The following SH3KBP1 variants were observed in gnomAD, a reference collection of about 807,000 sequenced individuals.
SH3KBP1 encodes SH3 domain containing kinase binding protein 1.
Under a neutral mutation model 50.1 loss-of-function variants are expected in SH3KBP1, and 8 were observed. The observed-to-expected ratio is 0.16, with a 90% CI of 0.09 to 0.29. The LOEUF is 0.29. Ranked by LOEUF, SH3KBP1 falls within the 10% of genes least tolerant of loss-of-function variation. The pLI is 1.00. For missense variants in SH3KBP1, 377 were observed against 535.2 expected (o/e 0.70, Z 2.92); for synonymous variants, 227 against 218.6 (o/e 1.04, Z -0.34).
At chrX:19,752,326 C>T (rs1030273389) in intron 2 of SH3KBP1, among the ~76,000 whole-genome samples, 2 of 112,006 alleles carry the variant, frequency 1.8e-5, no homozygotes, top group Admixed American at 1.9e-4. Flanking sequence ...ACACACCATC[C>T]GAGAGGTGTC....
intron 3 of SH3KBP1, among the ~76,000 whole-genome samples, chrX:19,715,662 AG>A (rs2063891458): frequency 8.9e-6 from 1 of 112,160 alleles, no homozygotes; most frequent in South Asian, 3.7e-4. Flanking sequence ...GGACTCTTCC[AG>A]GATCAGGTTA....
chrX:19,667,652 T>C (rs1477905895), intron 6 of SH3KBP1, among the ~76,000 whole-genome samples: 1 of 110,456 alleles, frequency 9.1e-6, no homozygotes, highest in Non-Finnish European at 1.9e-5. Flanking sequence ...AAGCATAAAA[T>C]GGCAAAGGCA....
At chrX:19,840,766 T>G (rs1198437701) in intron 1 of SH3KBP1, among the ~76,000 whole-genome samples, 1 of 112,147 alleles carries the variant, frequency 8.9e-6, no homozygotes, top group Non-Finnish European at 1.9e-5. Context: ...TTAAGCTAAA[T>G]AAAATACATC....
At chrX:19,742,121 G>T (rs2064786788) in intron 3 of SH3KBP1, among the ~76,000 whole-genome samples, 2 of 111,162 alleles carry the variant, frequency 1.8e-5, no homozygotes, top group African/African-American at 6.5e-5. Flanking sequence ...TTTGTTTTGA[G>T]ATAGGGTCTC....
At chrX:19,880,697 C>T (rs1292368956) in intron 1 of SH3KBP1, among the ~76,000 whole-genome samples, 1 of 111,746 alleles carries the variant, frequency 8.9e-6, no homozygotes, top group Admixed American at 9.5e-5. Context: ...TCCATGGCAA[C>T]AGGAACTTTG....
At chrX:19,874,068 A>AAAAAAAAAAAAAATATAT (rs1491537486) in intron 1 of SH3KBP1, among the ~76,000 whole-genome samples, 1 of 57,035 alleles carries the variant, frequency 1.8e-5, no homozygotes, top group Admixed American at 2.1e-4. Flanking sequence ...AAAAAAAAAA[A>AAAAAAAAAAAAAATATAT]ATATATATAT....
chrX:19,693,868 A>C (rs1373992964), intron 5 of SH3KBP1, among the ~76,000 whole-genome samples: 1 of 112,199 alleles, frequency 8.9e-6, no homozygotes, highest in Non-Finnish European at 1.9e-5. Flanking sequence ...ATGGCAGGAC[A>C]CCAATATGTC....
Position 19,643,318 on chromosome X carries a change from T to A in SH3KBP1, c.802+2082A>T, listed in dbSNP as rs775640777. On this transcript the variant is annotated intron_variant, in intron 7 of 17. Transcript: ENST00000397821. ...CTGAAGAATTTTTTATTTTTTTTTTTTTTATTTTTTTTTTTTTTTGAGACA... is the reference window on the plus strand; with the variant it reads ...CTGAAGAATTTTTTATTTTTTTTTTATTTATTTTTTTTTTTTTTTGAGACA... 1.9e-3 allele frequency among the ~76,000 whole-genome samples: 165 copies of A among 86,917 alleles called. 2 individuals are homozygous for A. The highest frequency in any genetic ancestry group is 1.0e-2 in the South Asian group (21 of 2,107). 75.5% of individuals were successfully genotyped at this position (86,917 alleles called of 115,157 possible).
intron 5 of SH3KBP1, among the ~76,000 whole-genome samples, chrX:19,692,623 ACGTG>A (rs1355547456): frequency 3.9e-4 from 25 of 64,785 alleles, no homozygotes; most frequent in African/African-American, 1.5e-3. Flanking sequence ...ATATATACAT[ACGTG>A]TGTGTGTGTG....
At position 19,793,316 on chromosome X, in the gene SH3KBP1, AT is replaced by A. The variant is rs200298555; in HGVS notation, c.162+42808del. On this transcript the variant is annotated intron_variant, in intron 2 of 17. Coordinates refer to ENST00000397821, the MANE Select transcript of SH3KBP1 (RefSeq NM_031892.3). ...GACATTGTCTCAAGGAAAAAAAAAT[AT>A]ATATATATATATATATATATCTGGC... is the stretch of plus-strand genomic sequence containing the variant. 5.1e-3 allele frequency among the ~76,000 whole-genome samples: 449 copies of A among 88,783 alleles called. 2 individuals are homozygous for A. Among genetic ancestry groups the A allele is most frequent in the African/African-American group, 0.02 (390 of 19,885 alleles). 77.1% of individuals were successfully genotyped at this position (88,783 alleles called of 115,157 possible). A position where few individuals can be genotyped will look rare whatever the true frequency, so the allele number is the denominator to read the frequency against.
chrX:19,588,357 G>A, intron 12 of SH3KBP1: 4 of 1,083,094 alleles, frequency 3.7e-6, no homozygotes, highest in Non-Finnish European at 4.8e-6. Context: ...TTCTAATAAG[G>A]CCCAGGAAAA....
At chrX:19,681,088 G>A (rs998025898) in intron 6 of SH3KBP1, among the ~76,000 whole-genome samples, 2 of 111,466 alleles carry the variant, frequency 1.8e-5, no homozygotes. Flanking sequence ...TCCAGGTTGA[G>A]CATCCCTAAT....
intron 13 of SH3KBP1, among the ~76,000 whole-genome samples, chrX:19,568,398 A>G (rs1310324605): frequency 2.7e-5 from 3 of 112,244 alleles, no homozygotes; most frequent in Non-Finnish European, 5.6e-5. Flanking sequence ...GCTAAACAAT[A>G]TGATTATTTT....
At position 19,788,887 on chromosome X, in the gene SH3KBP1, A is replaced by C. The variant is rs1244277053; in HGVS notation, c.163-42446T>G. Reference sequence around the variant, plus strand: ...ACGCCTGTAATCCCAGCACTTTGGGAGGCCTAGGCGGGCGGATCACGAGGT... The same window carrying C: ...ACGCCTGTAATCCCAGCACTTTGGGCGGCCTAGGCGGGCGGATCACGAGGT... On this transcript the variant is annotated intron_variant, in intron 2 of 17. Transcript: ENST00000397821. Among the ~76,000 whole-genome samples the C allele has an allele frequency of 5.3e-5, 6 of 112,493 alleles. No homozygotes were observed. The Admixed American group carries it at 5.6e-4, about 11-fold the overall frequency.
intron 9 of SH3KBP1, among the ~76,000 whole-genome samples, chrX:19,596,661 T>C (rs1168135171): frequency 7.1e-5 from 8 of 112,365 alleles, no homozygotes; most frequent in African/African-American, 2.6e-4. Context: ...CCGCCACTGC[T>C]TTATCACTAA....
rs1345252347 is a variant in SH3KBP1, at chrX:19,554,119, A to G, written c.1385-4036T>C. ...ATATTATATATCATATTAAAATATA[A>G]TATTATATATCATATTAAAATATAT... On this transcript the variant is annotated intron_variant, in intron 13 of 17. Coordinates refer to ENST00000397821, the MANE Select transcript of SH3KBP1 (RefSeq NM_031892.3). Among the ~76,000 whole-genome samples, 56 of 58,478 alleles carry G rather than the reference A, an allele frequency of 9.6e-4. 2 individuals are homozygous for G. Among genetic ancestry groups the G allele is most frequent in the Non-Finnish European group, 1.3e-3 (48 of 36,710 alleles). 50.8% of individuals were successfully genotyped at this position (58,478 alleles called of 115,157 possible).
At chrX:19,548,019 C>T (rs191869168) in intron 14 of SH3KBP1, among the ~76,000 whole-genome samples, 7 of 113,001 alleles carry the variant, frequency 6.2e-5, no homozygotes, top group Non-Finnish European at 1.1e-4. Flanking sequence ...TGCCAAACTT[C>T]AAGTCATTGT....
At chrX:19,827,850 T>C (rs907041772) in intron 2 of SH3KBP1, among the ~76,000 whole-genome samples, 2 of 99,708 alleles carry the variant, frequency 2.0e-5, no homozygotes, top group Non-Finnish European at 4.0e-5. Context: ...TTCCTATTAT[T>C]GTACCCCATA....
chrX:19,564,112 T>C (rs188122278), intron 13 of SH3KBP1, among the ~76,000 whole-genome samples: 2 of 111,930 alleles, frequency 1.8e-5, no homozygotes, highest in African/African-American at 6.5e-5. Context: ...AAGTTTAAAA[T>C]ATGTATTTTA....
Sources: gnomAD v4.1 joint callset for allele counts (sites outside exome capture counted in the v4.1 genomes callset) on GRCh38, gnomAD v4.1.1 for gene constraint, MANE v1.5 for transcripts, NCBI Gene and HGNC (gene_info 2026-07-23, HGNC 2026-07-21) for gene names.